RAPGEF6: variants seen among roughly 807,000 people sequenced by gnomAD.
RAPGEF6 encodes the protein Rap guanine nucleotide exchange factor 6.
RAPGEF6 carries 56 observed loss-of-function variants against 171.4 expected under a neutral mutation model. The ratio of observed to expected loss-of-function variants is 0.33; its 90% CI spans 0.26 to 0.41. The LOEUF is 0.41. RAPGEF6 is among the 10% of genes least tolerant of loss of function. RAPGEF6 has a pLI of 1.00. For missense variants in RAPGEF6, 1,674 were observed against 1,921.4 expected (o/e 0.87, Z 2.41); for synonymous variants, 692 against 650.1 (o/e 1.06, Z -0.98).
At chr5:131,429,630 T>C (rs544196069) in intron 26 of RAPGEF6, among the ~76,000 whole-genome samples, 47 of 152,350 alleles carry the variant, frequency 3.1e-4, no homozygotes, top group Non-Finnish European at 4.6e-4. Flanking sequence ...TTGGGCCATC[T>C]GTTTAAGGGC....
intron 4 of RAPGEF6, among the ~76,000 whole-genome samples, chr5:131,571,308 T>C (rs148243507): frequency 0.013 from 1,915 of 152,286 alleles, 35 homozygotes; most frequent in African/African-American, 0.043. Flanking sequence ...AACAATGTAC[T>C]ATAGTTTTCC....
chr5:131,478,605 T>G (rs1755263982), intron 16 of RAPGEF6, among the ~76,000 whole-genome samples: 1 of 152,212 alleles, frequency 6.6e-6, no homozygotes, highest in Non-Finnish European at 1.5e-5. Flanking sequence ...CATGAGAACT[T>G]TGCAATTTGC....
intron 15 of RAPGEF6, among the ~76,000 whole-genome samples, chr5:131,487,892 G>T (rs562411214): frequency 1.3e-5 from 2 of 152,194 alleles, no homozygotes; most frequent in South Asian, 4.1e-4. Flanking sequence ...AGAGTAAAAT[G>T]CTCCATTTCT....
chr5:131,470,914 G>A (rs1320871588), intron 17 of RAPGEF6, among the ~76,000 whole-genome samples: 1 of 152,184 alleles, frequency 6.6e-6, no homozygotes, highest in African/African-American at 2.4e-5. Context: ...TAATAGTGGG[G>A]AGAGAATGAC....
At chr5:131,589,282 G>C (rs1249608585) in intron 4 of RAPGEF6, among the ~76,000 whole-genome samples, 1 of 152,176 alleles carries the variant, frequency 6.6e-6, no homozygotes, top group Non-Finnish European at 1.5e-5. Context: ...ACTGTAGTAA[G>C]TAGCTTTTTG....
chr5:131,600,223 G>C (rs1764146705), intron 3 of RAPGEF6, among the ~76,000 whole-genome samples: 1 of 152,116 alleles, frequency 6.6e-6, no homozygotes, highest in African/African-American at 2.4e-5. Context: ...AATGTTAATT[G>C]TGTTAACATG....
intron 6 of RAPGEF6, among the ~76,000 whole-genome samples, chr5:131,528,231 T>C (rs1269814479): frequency 7.7e-6 from 1 of 129,646 alleles, no homozygotes; most frequent in Non-Finnish European, 1.6e-5. Context: ...AAATAATATA[T>C]TTATATATCA....
In RAPGEF6 at chr5:131,442,511, A is replaced by G. The variant is rs372204516; in HGVS notation, c.3448T>C (p.Ser1150Pro). 2 of 1,614,014 alleles carry G rather than the reference A, an allele frequency of 1.2e-6. No homozygotes were observed. The highest frequency in any genetic ancestry group is 8.5e-7 in the Non-Finnish European group (1 of 1,179,948). Residue 1150 changes from serine (S) to proline (P), a missense_variant, in exon 23 of 28, where the codon TCA becomes CCA. Ser to Pro is a moderately conservative substitution (Grantham distance 74, BLOSUM62 -1). Transcript: ENST00000509018. ...GGAGACATTTCAGATGATTTGGCTG[A>G]TCTTTTCTCACTTAAATTCTTGGTC... ...TLTKNLSEKR[S>P]AKSSEMSPVP...
intron 4 of RAPGEF6, among the ~76,000 whole-genome samples, chr5:131,573,990 C>T (rs1762455567): frequency 6.6e-6 from 1 of 152,164 alleles, no homozygotes; most frequent in Non-Finnish European, 1.5e-5. Context: ...AGAGAAGAAG[C>T]CACCAAGCAG....
At chr5:131,503,672 T>A (rs887545513) in intron 11 of RAPGEF6, among the ~76,000 whole-genome samples, 1 of 152,218 alleles carries the variant, frequency 6.6e-6, no homozygotes, top group African/African-American at 2.4e-5. Flanking sequence ...GAAACAGTTA[T>A]GTGTTTATTT....
At chr5:131,515,614 A>G (rs1758020102) in intron 7 of RAPGEF6, among the ~76,000 whole-genome samples, 1 of 152,246 alleles carries the variant, frequency 6.6e-6, no homozygotes. Flanking sequence ...AACTACCAAA[A>G]AAAGCAGAGA....
chr5:131,547,994 T>C (rs1760661846), intron 6 of RAPGEF6, 53 bp downstream of exon 6: 6 of 1,572,040 alleles, frequency 3.8e-6, no homozygotes, highest in South Asian at 3.4e-5. Flanking sequence ...AAATTAAAGA[T>C]ACTAGATATG....
At chr5:131,443,737 T>C (rs1480420795) in intron 22 of RAPGEF6, among the ~76,000 whole-genome samples, 1 of 152,232 alleles carries the variant, frequency 6.6e-6, no homozygotes, top group Non-Finnish European at 1.5e-5. Flanking sequence ...ATCTTCTCTG[T>C]TCCTTTCATT....
At chr5:131,529,232 T>C (rs1759198704) in intron 6 of RAPGEF6, among the ~76,000 whole-genome samples, 1 of 151,408 alleles carries the variant, frequency 6.6e-6, no homozygotes, top group Admixed American at 6.6e-5. Flanking sequence ...TCCCAGCACT[T>C]TGGGAGGCTG....
chr5:131,448,912 T>C (rs917986415), intron 21 of RAPGEF6, among the ~76,000 whole-genome samples: 5 of 151,950 alleles, frequency 3.3e-5, no homozygotes, highest in African/African-American at 1.2e-4. Context: ...AAGACATAAA[T>C]TTGCGATCCA....
rs1766057823 is a variant in RAPGEF6, at chr5:131,628,093, C to T, written c.69+6869G>A. On this transcript the variant is annotated intron_variant, in intron 1 of 27. Transcript: ENST00000509018. ...GGCCAATTAATAACCCTACAATGGCCCCTAAGTGTTCAAGTGAAAAGAGTC... is the reference window on the plus strand; with the variant it reads ...GGCCAATTAATAACCCTACAATGGCTCCTAAGTGTTCAAGTGAAAAGAGTC... Among the ~76,000 whole-genome samples, 2 of 152,108 alleles carry T rather than the reference C, an allele frequency of 1.3e-5. 1 individual carries two copies. Among genetic ancestry groups the T allele is most frequent in the Admixed American group, 1.3e-4 (2 of 15,280 alleles).
intron 1 of RAPGEF6, among the ~76,000 whole-genome samples, chr5:131,622,902 G>GCT (rs1561615981): frequency 6.6e-6 from 1 of 152,142 alleles, no homozygotes; most frequent in Non-Finnish European, 1.5e-5. Flanking sequence ...GTACAATGGT[G>GCT]CTCTCTCGCC....
chr5:131,534,219 ACTC>A (rs1032696834), intron 6 of RAPGEF6, among the ~76,000 whole-genome samples: 4 of 152,040 alleles, frequency 2.6e-5, no homozygotes, highest in African/African-American at 9.7e-5. Context: ...TTAACAAAGG[ACTC>A]CACTGACTGC....
At chr5:131,606,364 GAAAAAA>G (rs11357225) in intron 1 of RAPGEF6, among the ~76,000 whole-genome samples, 1 of 113,194 alleles carries the variant, frequency 8.8e-6, no homozygotes, top group Non-Finnish European at 1.8e-5. Flanking sequence ...CATCTCAAGG[GAAAAAA>G]AAAAAAAAAA....
Sources: gnomAD v4.1 joint callset for allele counts (sites outside exome capture counted in the v4.1 genomes callset) on GRCh38, gnomAD v4.1.1 for gene constraint, MANE v1.5 for transcripts, NCBI Gene and HGNC (gene_info 2026-07-23, HGNC 2026-07-21) for gene names.